The following MBP variants were observed in gnomAD, a reference collection of about 807,000 sequenced individuals.
MBP encodes the protein Golli-MBP.
Under a neutral mutation model 35.8 loss-of-function variants are expected in MBP, and 16 were observed. That is an observed-to-expected ratio of 0.45 (90% CI 0.30 to 0.68). The LOEUF (loss-of-function observed/expected upper bound fraction) is 0.68. Among genes scored for constraint, MBP ranks in the 30% least tolerant of loss-of-function variants. The pLI is 0.08. For missense variants in MBP, 380 were observed against 404.7 expected (o/e 0.94, Z 0.52); for synonymous variants, 143 against 159.6 (o/e 0.90, Z 0.78).
chr18:76,997,693 T>TG (rs1335171726), intron 4 of MBP, among the ~76,000 whole-genome samples: 2 of 151,750 alleles, frequency 1.3e-5, no homozygotes, highest in Non-Finnish European at 2.9e-5. Context: ...GCCACTTTTT[T>TG]TTTTTTTGAG....
intron 1 of MBP, among the ~76,000 whole-genome samples, chr18:77,128,453 T>C (rs1977128510): frequency 6.6e-6 from 1 of 152,064 alleles, no homozygotes; most frequent in Admixed American, 6.5e-5. Flanking sequence ...TCCTGTCCTC[T>C]GATGTGTTGG....
intron 1 of MBP, among the ~76,000 whole-genome samples, chr18:77,130,823 G>A (rs1008611024): frequency 6.6e-6 from 1 of 151,748 alleles, no homozygotes; most frequent in African/African-American, 2.4e-5. Context: ...TAAAACAAGC[G>A]ACGTGTCTTA....
intron 3 of MBP, among the ~76,000 whole-genome samples, chr18:77,051,909 T>C (rs998944092): frequency 1.3e-5 from 2 of 152,106 alleles, no homozygotes; most frequent in South Asian, 2.1e-4. Flanking sequence ...TAAAATGTTC[T>C]TTGTAGAAGC....
intron 4 of MBP, among the ~76,000 whole-genome samples, chr18:77,010,686 C>A (rs1373018043): frequency 2.0e-5 from 3 of 152,220 alleles, no homozygotes. Context: ...GCAGGAGCTA[C>A]GCATTCACCT....
In MBP at chr18:76,988,384, G is replaced by C. The variant is rs1361602046; in HGVS notation, c.750+111C>G. The C allele has an allele frequency of 1.2e-6, 2 of 1,613,594 alleles. No homozygotes were observed. The highest frequency in any genetic ancestry group is 1.7e-6 in the Non-Finnish European group (2 of 1,179,764). ...AGCTGTGGGCAGAGAGGTCTCGAGAGGAGAGAAAAGGAGGCCAGGAAGCAA... is the reference window on the plus strand; with the variant it reads ...AGCTGTGGGCAGAGAGGTCTCGAGACGAGAGAAAAGGAGGCCAGGAAGCAA... On this transcript the variant is annotated intron_variant, in intron 7 of 8. Coordinates refer to ENST00000355994, the MANE Select transcript of MBP (RefSeq NM_001025101.2). The surrounding 1 kb of genome is among the most constrained non-coding windows in gnomAD (Gnocchi z 5.2).
At chr18:77,059,813 C>G (rs566067534) in intron 3 of MBP, among the ~76,000 whole-genome samples, 1 of 152,136 alleles carries the variant, frequency 6.6e-6, no homozygotes, top group Admixed American at 6.5e-5. Context: ...AAAAAACACA[C>G]CAAGTATGCA....
At chr18:76,996,392 C>T (rs939696154) in intron 4 of MBP, among the ~76,000 whole-genome samples, 1 of 152,082 alleles carries the variant, frequency 6.6e-6, no homozygotes, top group Non-Finnish European at 1.5e-5. Context: ...TTAATAAAAA[C>T]TTATGTTTAT....
chr18:77,075,098 A>G (rs1253600412), intron 2 of MBP, among the ~76,000 whole-genome samples: 1 of 152,218 alleles, frequency 6.6e-6, no homozygotes, highest in African/African-American at 2.4e-5. Context: ...CCTCTCCAAG[A>G]TCCAGAATGG....
chr18:77,113,002 C>T (rs769777625), intron 1 of MBP: 3 of 151,882 alleles, frequency 2.0e-5, no homozygotes, highest in Non-Finnish European at 4.4e-5. Context: ...TGCGATGGTG[C>T]GATCTCAGCT....
In MBP at chr18:77,101,248, T is replaced by C. The variant is rs1975995446; in HGVS notation, c.51+3963A>G. Among the ~76,000 whole-genome samples, 1 of 152,214 alleles carries C rather than the reference T, an allele frequency of 6.6e-6. No individual in the cohort carries two copies. The highest frequency in any genetic ancestry group is 2.1e-4 in the South Asian group (1 of 4,836). ...GTTCTCCAGGGCAGCTGGCACCCTT[T>C]CCTTCTTGGGTTCTGCCAAGTTCTG... On this transcript the variant is annotated intron_variant, in intron 2 of 8. Coordinates refer to ENST00000355994, the MANE Select transcript of MBP (RefSeq NM_001025101.2). The surrounding 1 kb of genome is among the most constrained non-coding windows in gnomAD (Gnocchi z 4.3).
chr18:77,118,670 CCA>C (rs1178025816), intron 1 of MBP, among the ~76,000 whole-genome samples: 23 of 139,026 alleles, frequency 1.7e-4, no homozygotes, highest in African/African-American at 3.2e-4. Flanking sequence ...ACACTACATA[CCA>C]CACACACACA....
intron 2 of MBP, among the ~76,000 whole-genome samples, chr18:77,081,318 G>A (rs1295395200): frequency 2.6e-5 from 4 of 152,178 alleles, no homozygotes; most frequent in African/African-American, 9.7e-5. Context: ...CAAAGATCAT[G>A]TATCCAGAAT....
chr18:77,122,151 A>G (rs1976902229), intron 1 of MBP, among the ~76,000 whole-genome samples: 1 of 152,230 alleles, frequency 6.6e-6, no homozygotes. Flanking sequence ...AGTTTATGCA[A>G]CAAGTATTAG....
intron 4 of MBP, among the ~76,000 whole-genome samples, chr18:76,999,433 G>A (rs1869128061): frequency 6.6e-6 from 1 of 151,970 alleles, no homozygotes; most frequent in African/African-American, 2.4e-5. Flanking sequence ...CTCTAGGACA[G>A]AAAGGGTTCC....
chr18:76,996,476 T>G (rs1192157544), intron 4 of MBP, among the ~76,000 whole-genome samples: 1 of 152,238 alleles, frequency 6.6e-6, no homozygotes. Flanking sequence ...ACAACCTGAA[T>G]GCTCTTGAGG....
At chr18:77,052,738 C>G (rs551884190) in intron 3 of MBP, among the ~76,000 whole-genome samples, 2 of 152,196 alleles carry the variant, frequency 1.3e-5, no homozygotes, top group African/African-American at 2.4e-5. Flanking sequence ...GGGAACACAG[C>G]CACTATCCTC....
intron 3 of MBP, among the ~76,000 whole-genome samples, chr18:77,059,132 AC>A (rs966677888): frequency 1.3e-5 from 2 of 152,154 alleles, no homozygotes; most frequent in African/African-American, 4.8e-5. Flanking sequence ...GAAAGAAAAA[AC>A]CCTACTGAAA....
At chr18:77,106,499 C>T (rs533291822) in intron 1 of MBP, among the ~76,000 whole-genome samples, 1 of 152,212 alleles carries the variant, frequency 6.6e-6, no homozygotes, top group East Asian at 1.9e-4. Context: ...GTGTGGGAGA[C>T]GACTAGCAGC....
intron 1 of MBP, among the ~76,000 whole-genome samples, chr18:77,120,184 C>T (rs527462600): frequency 1.3e-5 from 2 of 152,368 alleles, no homozygotes; most frequent in Non-Finnish European, 2.9e-5. Flanking sequence ...GAATCCATTA[C>T]GGGTCTCAAA....
Sources: gnomAD v4.1 joint callset for allele counts (sites outside exome capture counted in the v4.1 genomes callset) on GRCh38, gnomAD v4.1.1 for gene constraint, Gnocchi (gnomAD v3.1) non-coding constraint, MANE v1.5 for transcripts, NCBI Gene and HGNC (gene_info 2026-07-23, HGNC 2026-07-21) for gene names.